The following ATP6V1B1 variants were observed in gnomAD, a reference collection of about 807,000 sequenced individuals.
ATP6V1B1 encodes the protein V-type proton ATPase subunit B, kidney isoform.
A neutral mutation model predicts 62.1 loss-of-function variants in ATP6V1B1; 41 were observed. The ratio of observed to expected loss-of-function variants is 0.66; its 90% CI spans 0.51 to 0.86. The LOEUF is 0.86. ATP6V1B1 is among the 40% of genes least tolerant of loss of function. ATP6V1B1 has a pLI of 0.00. For synonymous variants in ATP6V1B1, 253 were observed against 273.4 expected (o/e 0.93, Z 0.74); for missense variants, 651 against 697.5 (o/e 0.93, Z 0.75).
intron 1 of ATP6V1B1, 118 bp from the exon 2 acceptor site, chr2:70,943,540 G>C (rs371153349): frequency 9.2e-7 from 1 of 1,086,994 alleles, no homozygotes; most frequent in Non-Finnish European, 1.4e-6. Context: ...TGACCCTGAC[G>C]GCCCAGGCTG....
In ATP6V1B1 at chr2:70,963,571, G is replaced by T; in HGVS notation, c.1061-1G>T. On this transcript the variant is annotated splice_acceptor_variant, in intron 10 of 13. Transcript: ENST00000234396. LOFTEE classifies it high-confidence loss of function. The surrounding 1 kb of genome is among the most constrained non-coding windows in gnomAD (Gnocchi z 4.3). ...ACTGAGGCCAGTGAGTTTTCTTGTA[G>T]ATATCACCCACCCTATCCCAGACTT... The T allele has an allele frequency of 6.2e-7, 1 of 1,614,102 alleles. No homozygotes were observed. Among genetic ancestry groups the T allele is most frequent in the Non-Finnish European group, 8.5e-7 (1 of 1,179,974 alleles).
chr2:70,961,146 G>A (rs1553420033), intron 7 of ATP6V1B1, 124 bp downstream of exon 7: 2 of 1,016,884 alleles, frequency 2.0e-6, no homozygotes, highest in South Asian at 1.4e-5. Flanking sequence ...CAGGAGGGGT[G>A]AGGATGGGAG....
Position 70,963,170 on chromosome 2 carries a change from T to G in ATP6V1B1, c.918T>G (p.Ala306=). ...SYAEALREVS[A]AREEVPGRRG... ...GCCCATGGATATTGCAGGTCTCTGC[T>G]GCTAGAGAGGAGGTGCCTGGGCGCC... The change falls in exon 10 of 14, where the codon GCT becomes GCG. Residue 306 remains alanine (A), a synonymous_variant. Coordinates refer to ENST00000234396, the MANE Select transcript of ATP6V1B1 (RefSeq NM_001692.4). This position sits in a 1 kb window ranked among gnomAD's most constrained non-coding sequence, Gnocchi z 4.3. 1 of 1,614,074 alleles carries G rather than the reference T, an allele frequency of 6.2e-7. No homozygotes were observed. Among genetic ancestry groups the G allele is most frequent in the Non-Finnish European group, 8.5e-7 (1 of 1,180,014 alleles).
Position 70,945,701 on chromosome 2 carries a change from G to GAGATATATATAT in ATP6V1B1, c.174+1989_174+1990insGATATATATATA, listed in dbSNP as rs1553417203. Among the ~76,000 whole-genome samples, 87 of 82,950 alleles carry GAGATATATATAT rather than the reference G, an allele frequency of 1.0e-3. 1 individual carries two copies. The highest frequency in any genetic ancestry group is 4.2e-3 in the African/African-American group (87 of 20,844). The allele number at this position is 82,950 out of a possible 152,430, so 54.4% of individuals were successfully genotyped here. On this transcript the variant is annotated intron_variant, in intron 2 of 13. Coordinates refer to ENST00000234396, the MANE Select transcript of ATP6V1B1 (RefSeq NM_001692.4). ...TATCCTCTTTCTGGCTATTTGAAGA[G>GAGATATATATAT]ATATATATATATATATATATATATA...
In ATP6V1B1 at chr2:70,953,912, T is replaced by A. The variant is rs374507473; in HGVS notation, c.175-4134T>A. Among the ~76,000 whole-genome samples, 15 of 152,348 alleles carry A rather than the reference T, an allele frequency of 9.8e-5. 1 individual carries two copies. Among genetic ancestry groups the A allele is most frequent in the African/African-American group, 3.6e-4 (15 of 41,592 alleles). The stretch of plus-strand genomic sequence containing the variant: ...TTGAGTTATATTTATTCATGTTATC[T>A]AATTTCTCAAATGTGTTGCATAAAA... On this transcript the variant is annotated intron_variant, in intron 2 of 13. Coordinates refer to ENST00000234396, the MANE Select transcript of ATP6V1B1 (RefSeq NM_001692.4).
At chr2:70,940,513 C>T in intron 1 of ATP6V1B1, 1 of 985,450 alleles carries the variant, frequency 1.0e-6, no homozygotes, top group Non-Finnish European at 1.2e-6. Flanking sequence ...AATCCACTAG[C>T]AATCCAGACA....
At position 70,965,000 on chromosome 2, in the gene ATP6V1B1, G is replaced by C. The variant is rs1177523566; in HGVS notation, c.1421G>C (p.Gly474Ala). 2 of 1,613,716 alleles carry C rather than the reference G, an allele frequency of 1.2e-6. No homozygotes were observed. Among genetic ancestry groups the C allele is most frequent in the African/African-American group, 2.7e-5 (2 of 74,918 alleles). Reference protein sequence around the residue: ...NRSVFESLDLGWKLLRIFPKE... With the variant: ...NRSVFESLDLAWKLLRIFPKE... ...TCGGTGTTCGAGTCGCTGGACCTGG[G>C]CTGGAAGCTGCTGCGCATCTTCCCC... is the stretch of plus-strand genomic sequence containing the variant. Residue 474 changes from glycine to alanine, a missense_variant, in exon 14 of 14, where the codon GGC (glycine) becomes GCC (alanine). Transcript: ENST00000234396.
At chr2:70,947,432 G>A (rs1553417567) in intron 2 of ATP6V1B1, 1 of 152,184 alleles carries the variant, frequency 6.6e-6, no homozygotes, top group Non-Finnish European at 1.5e-5. Flanking sequence ...GATGCTGCTG[G>A]TATGGGGACC....
chr2:70,941,088 T>A, intron 1 of ATP6V1B1: 1 of 471,358 alleles, frequency 2.1e-6, no homozygotes, highest in Non-Finnish European at 2.8e-6. Flanking sequence ...AGCTAATTTT[T>A]AAATTTTTCT....
At chr2:70,955,638 T>C (rs992292229) in intron 2 of ATP6V1B1, among the ~76,000 whole-genome samples, 4 of 152,230 alleles carry the variant, frequency 2.6e-5, no homozygotes, top group African/African-American at 9.6e-5. Context: ...GGTTCATTCA[T>C]GTTGCGGCAT....
Position 70,965,116 on chromosome 2 carries a change from C to T in ATP6V1B1, c.1537C>T (p.Leu513Phe). ...GCAGGACCTCGCGCCTGACACTGCG[C>T]TCTAGCCCCGCGCGCCGTGGCACCC... ...ALQDLAPDTA[L>F] Residue 513 changes from leucine (L) to phenylalanine (F), a missense_variant, in exon 14 of 14, where the codon CTC (leucine) becomes TTC (phenylalanine). Leu to Phe is a conservative substitution (Grantham distance 22, BLOSUM62 0). Transcript: ENST00000234396. The T allele has an allele frequency of 6.2e-7, 1 of 1,609,922 alleles. No individual in the cohort carries two copies. Among genetic ancestry groups the T allele is most frequent in the South Asian group, 1.1e-5 (1 of 91,058 alleles).
intron 2 of ATP6V1B1, among the ~76,000 whole-genome samples, chr2:70,955,699 A>G (rs1553418948): frequency 2.0e-5 from 3 of 152,124 alleles, no homozygotes; most frequent in Non-Finnish European, 2.9e-5. Flanking sequence ...TTATTTCTCA[A>G]TTCGTGAAAA....
chr2:70,963,030 C>T lies in ATP6V1B1; in HGVS notation c.909+130C>T. The T allele has an allele frequency of 6.3e-7, 1 of 1,597,610 alleles. No individual in the cohort carries two copies. On this transcript the variant is annotated intron_variant, in intron 9 of 13. Coordinates refer to ENST00000234396, the MANE Select transcript of ATP6V1B1 (RefSeq NM_001692.4). This position sits in a 1 kb window ranked among gnomAD's most constrained non-coding sequence, Gnocchi z 4.3. ...TGCCCCACTCCCATGAGTTCCAGGG[C>T]TTGGTCTCAGCCTGGCCATTCCTCC...
In ATP6V1B1 at chr2:70,965,240, G is replaced by C; in HGVS notation, c.*119G>C. 1 of 1,423,124 alleles carries C rather than the reference G, an allele frequency of 7.0e-7. No homozygotes were observed. The highest frequency in any genetic ancestry group is 9.6e-7 in the Non-Finnish European group (1 of 1,043,494). The allele number at this position is 1,423,124 out of a possible 1,614,324, so 88.2% of individuals were successfully genotyped here. A position where few individuals can be genotyped will look rare whatever the true frequency, so the allele number is the denominator to read the frequency against. On this transcript the variant is annotated 3_prime_UTR_variant, in exon 14 of 14. Coordinates refer to ENST00000234396, the MANE Select transcript of ATP6V1B1 (RefSeq NM_001692.4). ...CCGCCCTCCGCCCTCCGCTGGCTCC[G>C]AGGTGGTGGGGGCGCCGCACGCTCC...
chr2:70,944,759 T>TC, intron 2 of ATP6V1B1, among the ~76,000 whole-genome samples: 1 of 144,692 alleles, frequency 6.9e-6, no homozygotes, highest in Admixed American at 7.2e-5. Context: ...AGCTCCGCCC[T>TC]CCAGGTTCAC....
intron 6 of ATP6V1B1, 145 bp from the exon 7 acceptor site, chr2:70,960,776 C>A: frequency 3.1e-6 from 1 of 321,830 alleles, no homozygotes; most frequent in Non-Finnish European, 6.2e-6. Flanking sequence ...CACCCCCCAC[C>A]CCAAGAAAGA....
At chr2:70,938,850 G>T (rs1553415965) in intron 1 of ATP6V1B1, 1 of 960,680 alleles carries the variant, frequency 1.0e-6, no homozygotes, top group Non-Finnish European at 1.2e-6. Flanking sequence ...CAGCCTGGTT[G>T]GAGGGATGAA....
At chr2:70,961,449 C>G (rs375201124) in intron 7 of ATP6V1B1, 147 bp from the exon 8 acceptor site, 2 of 810,220 alleles carry the variant, frequency 2.5e-6, no homozygotes, top group African/African-American at 3.4e-5. Flanking sequence ...TTTCCAGCCC[C>G]GGGGTCACCC....
chr2:70,962,702 T>A lies in ATP6V1B1; in HGVS notation c.786-75T>A, dbSNP rs1270322828. The stretch of plus-strand genomic sequence containing the variant: ...ACAACACCAGCTTCCCAGTTCACCT[T>A]GCGCTCAGCCCCCAGGCTATGTGGT... On this transcript the variant is annotated intron_variant, in intron 8 of 13. Coordinates refer to ENST00000234396, the MANE Select transcript of ATP6V1B1 (RefSeq NM_001692.4). 2.5e-6 allele frequency: 4 copies of A among 1,599,840 alleles called. No individual in the cohort carries two copies. The African/African-American group carries it at 5.4e-5, about 21-fold the overall frequency.
Sources: allele counts gnomAD v4.1 joint callset (sites outside exome capture counted in the v4.1 genomes callset), GRCh38; gene constraint gnomAD v4.1.1; non-coding constraint Gnocchi (gnomAD v3.1); transcripts MANE v1.5; gene names NCBI Gene and HGNC (gene_info 2026-07-23, HGNC 2026-07-21).